Variants in TEX264 observed in about 807,000 individuals in gnomAD.
TEX264 encodes testis-expressed protein 264.
Under a neutral mutation model 23.4 loss-of-function variants are expected in TEX264, and 13 were observed. That is an observed-to-expected ratio of 0.56 (90% CI 0.36 to 0.88). The LOEUF (loss-of-function observed/expected upper bound fraction) is 0.88, where lower values mean the gene tolerates loss of function less well. Ranked by LOEUF, TEX264 falls within the 40% of genes least tolerant of loss-of-function variation. TEX264 has a pLI of 0.01. For missense variants in TEX264, 340 were observed against 406.8 expected (o/e 0.84, Z 1.41); for synonymous variants, 159 against 170.0 (o/e 0.94, Z 0.50).
chr3:51,684,647 C>A lies in TEX264; in HGVS notation c.480+13C>A. On this transcript the variant is annotated intron_variant, in intron 3 of 4. Coordinates refer to ENST00000341333, the MANE Select transcript of TEX264 (RefSeq NM_015926.6). Reference sequence around the variant, plus strand: ...CACCTACATCAAGGTGAGGCACAGGCCTGGGGTGTGTGTGTTGGGGACAGC... The same window carrying A: ...CACCTACATCAAGGTGAGGCACAGGACTGGGGTGTGTGTGTTGGGGACAGC... 6.2e-7 allele frequency: 1 copy of A among 1,613,366 alleles called. No individual in the cohort carries two copies. The highest frequency in any genetic ancestry group is 8.5e-7 in the Non-Finnish European group (1 of 1,179,358).
chr3:51,688,089 CA>C lies in TEX264; in HGVS notation c.480+3456del, dbSNP rs1702691300. Among the ~76,000 whole-genome samples, 3 of 152,362 alleles carry C rather than the reference CA, an allele frequency of 2.0e-5. No homozygotes were observed. In the South Asian group the frequency reaches 6.2e-4, roughly 32 times the overall value. On this transcript the variant is annotated intron_variant, in intron 3 of 4. Coordinates refer to ENST00000341333, the MANE Select transcript of TEX264 (RefSeq NM_015926.6). ...GAATCCATGCGTACTGTGTGACCATCACTCCATATGGAAGATGCCTCAGCTT... is the reference window on the plus strand; with the variant it reads ...GAATCCATGCGTACTGTGTGACCATCCTCCATATGGAAGATGCCTCAGCTT...
At chr3:51,688,935 T>C (rs1702725168) in intron 3 of TEX264, among the ~76,000 whole-genome samples, 1 of 151,868 alleles carries the variant, frequency 6.6e-6, no homozygotes, top group African/African-American at 2.4e-5. Context: ...CAGACCAGCC[T>C]GGGCAACATA....
intron 3 of TEX264, among the ~76,000 whole-genome samples, chr3:51,692,152 G>T (rs1384158482): frequency 2.0e-5 from 3 of 152,254 alleles, no homozygotes; most frequent in African/African-American, 7.2e-5. Context: ...GACCCTGGGG[G>T]CTGAAGCTTG....
Position 51,686,722 on chromosome 3 carries a change from C to A in TEX264, c.480+2088C>A, listed in dbSNP as rs1702636016. ...TGGGCAGGAAGGAAGATACCAGTGC[C>A]CTAGGCCTGCTTAGTGTGCTGCCTC... On this transcript the variant is annotated intron_variant, in intron 3 of 4. Transcript: ENST00000341333. The surrounding 1 kb of genome is among the most constrained non-coding windows in gnomAD (Gnocchi z 4.1). Among the ~76,000 whole-genome samples, 1 of 151,994 alleles carries A rather than the reference C, an allele frequency of 6.6e-6. No homozygotes were observed. Among genetic ancestry groups the A allele is most frequent in the Non-Finnish European group, 1.5e-5 (1 of 67,992 alleles).
chr3:51,682,289 G>T (rs777501266), intron 2 of TEX264: 13 of 152,222 alleles, frequency 8.5e-5, no homozygotes, highest in Non-Finnish European at 1.3e-4. Context: ...AGAGACAAGA[G>T]ATGGTATTGC....
Position 51,703,528 on chromosome 3 carries a change from C to T in TEX264, c.650-196C>T, listed in dbSNP as rs1462465718. 6.6e-6 allele frequency among the ~76,000 whole-genome samples: 1 copy of T among 150,388 alleles called. No homozygotes were observed. Among genetic ancestry groups the T allele is most frequent in the Non-Finnish European group, 1.5e-5 (1 of 67,450 alleles). ...TCCCTCCCTCCCTCCTTCCCTCCCT[C>T]CCTTCCTCCCAGCTCTTTCCCTCTG... On this transcript the variant is annotated intron_variant, in intron 4 of 4. Coordinates refer to ENST00000341333, the MANE Select transcript of TEX264 (RefSeq NM_015926.6). The surrounding 1 kb of genome is among the most constrained non-coding windows in gnomAD (Gnocchi z 4.8).
In TEX264 at chr3:51,699,575, G is replaced by A. The variant is rs1051796530; in HGVS notation, c.649+1G>A. Reference sequence around the variant, plus strand: ...ATTGACACCCAGGTGGATGGCACAGGTACAGAAGGTGGGGTATGAGGATGG... The same window carrying A: ...ATTGACACCCAGGTGGATGGCACAGATACAGAAGGTGGGGTATGAGGATGG... On this transcript the variant is annotated splice_donor_variant, in intron 4 of 4. Transcript: ENST00000341333. LOFTEE classifies it high-confidence loss of function. The A allele has an allele frequency of 3.1e-6, 5 of 1,613,636 alleles. No homozygotes were observed. The highest frequency in any genetic ancestry group is 4.2e-6 in the Non-Finnish European group (5 of 1,179,742).
At chr3:51,693,997 TCC>T (rs1157640170) in intron 3 of TEX264, among the ~76,000 whole-genome samples, 1 of 52,868 alleles carries the variant, frequency 1.9e-5, no homozygotes, top group Non-Finnish European at 3.6e-5. Flanking sequence ...TTTCCTTCCT[TCC>T]TTCCTTCCTT....
chr3:51,704,201 A>G lies in TEX264; in HGVS notation c.*185A>G. On this transcript the variant is annotated 3_prime_UTR_variant, in exon 5 of 5. Transcript: ENST00000341333. ...CCCTTTAGGCTCCCAGGGCCAGAGG[A>G]GCCAGGGACTATTTTCTGCACCAGC... The G allele has an allele frequency of 6.3e-6, 3 of 478,606 alleles. No individual in the cohort carries two copies. The highest frequency in any genetic ancestry group is 1.0e-5 in the Non-Finnish European group (3 of 297,574). The allele number at this position is 478,606 out of a possible 1,614,324, so 29.6% of individuals were successfully genotyped here. A position where few individuals can be genotyped will look rare whatever the true frequency, so the allele number is the denominator to read the frequency against.
chr3:51,702,128 G>A (rs1429542638), intron 4 of TEX264, among the ~76,000 whole-genome samples: 1 of 152,192 alleles, frequency 6.6e-6, no homozygotes, highest in Non-Finnish European at 1.5e-5. Flanking sequence ...GAGCCATTGG[G>A]TGGGTGGGCA....
chr3:51,692,677 T>C (rs969415900), intron 3 of TEX264, among the ~76,000 whole-genome samples: 1 of 152,230 alleles, frequency 6.6e-6, no homozygotes, highest in Non-Finnish European at 1.5e-5. Context: ...AGGACAGGGC[T>C]CAAGGTCCTT....
intron 3 of TEX264, among the ~76,000 whole-genome samples, chr3:51,685,661 A>G (rs887971522): frequency 1.3e-5 from 2 of 152,202 alleles, no homozygotes; most frequent in Non-Finnish European, 1.5e-5. Flanking sequence ...AACCAGGAAA[A>G]TAACACAGTT....
chr3:51,698,870 T>C (rs1388271738), intron 3 of TEX264, among the ~76,000 whole-genome samples: 2 of 152,156 alleles, frequency 1.3e-5, no homozygotes, highest in Non-Finnish European at 2.9e-5. Context: ...TCAGGGTCTA[T>C]AGTAGCATGT....
At position 51,686,331 on chromosome 3, in the gene TEX264, G is replaced by A. The variant is rs149977088; in HGVS notation, c.480+1697G>A. 1.3e-5 allele frequency among the ~76,000 whole-genome samples: 2 copies of A among 152,200 alleles called. No homozygotes were observed. The highest frequency in any genetic ancestry group is 2.9e-5 in the Non-Finnish European group (2 of 68,036). On this transcript the variant is annotated intron_variant, in intron 3 of 4. Coordinates refer to ENST00000341333, the MANE Select transcript of TEX264 (RefSeq NM_015926.6). The surrounding 1 kb of genome is among the most constrained non-coding windows in gnomAD (Gnocchi z 4.1). Reference sequence around the variant, plus strand: ...ACAGGACGAGAGTCAGTGGGAGTGAGAGCCTGGTACACTTGGAGGATCCTT... The same window carrying A: ...ACAGGACGAGAGTCAGTGGGAGTGAAAGCCTGGTACACTTGGAGGATCCTT...
In TEX264 at chr3:51,699,554, A is replaced by G. The variant is rs771311925; in HGVS notation, c.629A>G (p.Asp210Gly). 18 of 1,613,800 alleles carry G rather than the reference A, an allele frequency of 1.1e-5. No individual in the cohort carries two copies. The highest frequency in any genetic ancestry group is 1.5e-5 in the Non-Finnish European group (18 of 1,179,900). ...TGGCGGGGGCTTGTGGAGGCCATTG[A>G]CACCCAGGTGGATGGCACAGGTACA... Reference protein sequence around the residue: ...WKWRGLVEAIDTQVDGTGADT... With the variant: ...WKWRGLVEAIGTQVDGTGADT... Residue 210 changes from aspartate (D) to glycine (G), a missense_variant, in exon 4 of 5, where the codon GAC becomes GGC. Physicochemically the swap from Asp to Gly is moderately conservative, Grantham distance 94. Coordinates refer to ENST00000341333, the MANE Select transcript of TEX264 (RefSeq NM_015926.6).
At chr3:51,674,876 C>G (rs2106900958) in intron 2 of TEX264, among the ~76,000 whole-genome samples, 1 of 152,332 alleles carries the variant, frequency 6.6e-6, no homozygotes, top group African/African-American at 2.4e-5. Context: ...GCCTCCTCTT[C>G]TTGTCATCCC....
chr3:51,687,653 C>T (rs192419563), intron 3 of TEX264, among the ~76,000 whole-genome samples: 315 of 152,236 alleles, frequency 2.1e-3, no homozygotes, highest in Non-Finnish European at 3.2e-3. Flanking sequence ...GTGAGAGAGG[C>T]CAGGAGCCCT....
chr3:51,693,738 C>T (rs893860996), intron 3 of TEX264, among the ~76,000 whole-genome samples: 1 of 152,124 alleles, frequency 6.6e-6, no homozygotes, highest in African/African-American at 2.4e-5. Flanking sequence ...CCTTGGCCTC[C>T]CAAAGTGCTG....
chr3:51,692,930 AG>A, intron 3 of TEX264, among the ~76,000 whole-genome samples: 1 of 152,278 alleles, frequency 6.6e-6, no homozygotes, highest in East Asian at 1.9e-4. Context: ...AGGCCAGAGC[AG>A]GGCTGAACCA....
Sources: allele counts gnomAD v4.1 joint callset (sites outside exome capture counted in the v4.1 genomes callset), GRCh38; gene constraint gnomAD v4.1.1; non-coding constraint Gnocchi (gnomAD v3.1); transcripts MANE v1.5; gene names NCBI Gene and HGNC (gene_info 2026-07-23, HGNC 2026-07-21).